Variants in CEP128 observed in about 807,000 individuals in gnomAD.
CEP128 encodes the protein centrosomal protein 128.
Under a neutral mutation model 156.7 loss-of-function variants are expected in CEP128, and 132 were observed. The observed-to-expected ratio is 0.84, with a 90% CI of 0.73 to 0.97. CEP128 has a LOEUF of 0.97. Ranked by LOEUF, CEP128 falls within the 50% of genes least tolerant of loss-of-function variation. The pLI, the probability that CEP128 is intolerant of heterozygous loss-of-function variation, is 0.00. For synonymous variants in CEP128, 469 were observed against 448.9 expected (o/e 1.04, Z -0.57); for missense variants, 1,252 against 1,281.9 (o/e 0.98, Z 0.36).
intron 6 of CEP128, among the ~76,000 whole-genome samples, chr14:80,902,496 A>C (rs142568574): frequency 6.6e-6 from 1 of 152,324 alleles, no homozygotes; most frequent in East Asian, 1.9e-4. Flanking sequence ...TGAGTATCTT[A>C]AGATACACTT....
At chr14:80,913,202 T>C (rs1884348797) in intron 4 of CEP128, among the ~76,000 whole-genome samples, 1 of 138,426 alleles carries the variant, frequency 7.2e-6, no homozygotes, top group Non-Finnish European at 1.5e-5. Flanking sequence ...GCAATTCTAC[T>C]TCCAGCAATC....
chr14:80,823,560 T>C (rs898088234), intron 13 of CEP128, among the ~76,000 whole-genome samples: 1 of 151,994 alleles, frequency 6.6e-6, no homozygotes, highest in Non-Finnish European at 1.5e-5. Flanking sequence ...ATACCATGAT[T>C]GTTTATGGAA....
chr14:80,737,124 G>C (rs1898570928), intron 19 of CEP128, among the ~76,000 whole-genome samples: 1 of 152,140 alleles, frequency 6.6e-6, no homozygotes, highest in Non-Finnish European at 1.5e-5. Context: ...AACAATTATA[G>C]GCTGGGTGCA....
chr14:80,510,808 G>GT (rs570009355), intron 23 of CEP128, among the ~76,000 whole-genome samples: 1,771 of 147,604 alleles, frequency 0.012, 29 homozygotes, highest in African/African-American at 0.036. Flanking sequence ...TTTTTGAGGG[G>GT]TTTTTTTTTT....
rs116875278 is a variant in CEP128 at position 80,926,139 on chromosome 14, C to T, written c.-15-9577G>A. On this transcript the variant is annotated intron_variant, in intron 2 of 24. Coordinates refer to ENST00000555265, the MANE Select transcript of CEP128 (RefSeq NM_152446.5). Reference sequence around the variant, plus strand: ...GGGGACAAATGCCCTTGGTCAGAACCGAGGGGTGGGCAGAAAGTGTGCTAT... The same window carrying T: ...GGGGACAAATGCCCTTGGTCAGAACTGAGGGGTGGGCAGAAAGTGTGCTAT... 8.5e-5 allele frequency among the ~76,000 whole-genome samples: 13 copies of T among 152,182 alleles called. No homozygotes were observed. In the East Asian group the frequency reaches 1.9e-3, roughly 23 times the overall value.
intron 20 of CEP128, among the ~76,000 whole-genome samples, chr14:80,560,891 T>TTATA (rs150249007): frequency 6.6e-5 from 10 of 150,516 alleles, no homozygotes; most frequent in Admixed American, 2.7e-4. Flanking sequence ...TAACTACCCT[T>TTATA]TATATATATA....
At chr14:80,917,315 T>C (rs572030513) in intron 2 of CEP128, among the ~76,000 whole-genome samples, 4 of 152,288 alleles carry the variant, frequency 2.6e-5, no homozygotes, top group East Asian at 3.9e-4. Context: ...AACCTTTTAA[T>C]AGAAGTTGAA....
chr14:80,724,894 A>G (rs1438730750), intron 19 of CEP128, among the ~76,000 whole-genome samples: 6 of 149,690 alleles, frequency 4.0e-5, no homozygotes, highest in African/African-American at 1.5e-4. Context: ...TTGTTCATTC[A>G]CTCTTACTTA....
intron 19 of CEP128, among the ~76,000 whole-genome samples, chr14:80,633,514 C>A (rs1355579858): frequency 3.3e-5 from 5 of 150,314 alleles, no homozygotes; most frequent in African/African-American, 1.2e-4. Context: ...CTCTCTATTG[C>A]TTTCCTCCGT....
chr14:80,771,986 T>A (rs1313283567), intron 16 of CEP128, among the ~76,000 whole-genome samples: 1 of 152,172 alleles, frequency 6.6e-6, no homozygotes, highest in African/African-American at 2.4e-5. Context: ...TGACCTTCTG[T>A]TTAAGATTAT....
intron 19 of CEP128, among the ~76,000 whole-genome samples, chr14:80,654,120 G>A (rs1179274758): frequency 1.3e-5 from 2 of 152,116 alleles, no homozygotes. Context: ...TTGACCTCAG[G>A]AGGAAGAGAT....
At chr14:80,904,010 A>G (rs1322406213) in intron 6 of CEP128, among the ~76,000 whole-genome samples, 2 of 152,160 alleles carry the variant, frequency 1.3e-5, no homozygotes, top group Non-Finnish European at 2.9e-5. Context: ...AGCTACTGAA[A>G]TCAGTATGTC....
intron 14 of CEP128, among the ~76,000 whole-genome samples, chr14:80,478,729 G>A (rs146300088): frequency 1.8e-3 from 277 of 152,242 alleles, no homozygotes; most frequent in African/African-American, 6.1e-3. Flanking sequence ...GATGATACAC[G>A]TTAGGTACAG....
intron 8 of CEP128, among the ~76,000 whole-genome samples, chr14:80,866,478 A>T (rs1315638211): frequency 6.6e-6 from 1 of 152,052 alleles, no homozygotes; most frequent in Non-Finnish European, 1.5e-5. Flanking sequence ...ATAAACCCAG[A>T]CAACAGGCTA....
chr14:80,869,950 A>G (rs1275837083), intron 8 of CEP128, among the ~76,000 whole-genome samples: 1 of 152,114 alleles, frequency 6.6e-6, no homozygotes, highest in African/African-American at 2.4e-5. Context: ...ACAAAGTCTT[A>G]TAAGAAAATA....
At chr14:80,947,190 CACTA>C (rs1032791601) in intron 2 of CEP128, among the ~76,000 whole-genome samples, 58 of 152,282 alleles carry the variant, frequency 3.8e-4, no homozygotes, top group African/African-American at 1.4e-3. Context: ...TACAACAGCA[CACTA>C]ACTATGTCCA....
intron 19 of CEP128, among the ~76,000 whole-genome samples, chr14:80,691,459 G>A (rs898511818): frequency 9.9e-5 from 15 of 152,180 alleles, no homozygotes; most frequent in Middle Eastern, 3.4e-3. Context: ...AGAGACCTAG[G>A]ACTATCACCT....
chr14:80,609,385 T>C (rs1184747644), intron 19 of CEP128, among the ~76,000 whole-genome samples: 1 of 152,168 alleles, frequency 6.6e-6, no homozygotes, highest in African/African-American at 2.4e-5. Flanking sequence ...GTTAGATATC[T>C]TGAAGTTCAC....
At chr14:80,832,044 A>C (rs1431391412) in intron 12 of CEP128, among the ~76,000 whole-genome samples, 1 of 152,156 alleles carries the variant, frequency 6.6e-6, no homozygotes, top group Non-Finnish European at 1.5e-5. Context: ...TGTTCTCATG[A>C]TAGTGAATAA....
Sources: gnomAD v4.1 joint callset for allele counts (sites outside exome capture counted in the v4.1 genomes callset) on GRCh38, gnomAD v4.1.1 for gene constraint, MANE v1.5 for transcripts, NCBI Gene and HGNC (gene_info 2026-07-23, HGNC 2026-07-21) for gene names.